The following ATG10 variants were observed in gnomAD, a reference collection of about 807,000 sequenced individuals.
The protein encoded by ATG10 is autophagy related 10.
A neutral mutation model predicts 32.1 loss-of-function variants in ATG10; 30 were observed. The observed-to-expected ratio is 0.94, with a 90% CI of 0.70 to 1.27. The LOEUF is 1.27. Ranked by LOEUF, ATG10 falls within the 50% of genes most tolerant of loss-of-function variation. The pLI is 0.00. For missense variants in ATG10, 233 were observed against 262.3 expected, an observed-to-expected ratio of 0.89 and a Z score of 0.77; for synonymous variants, 87 against 91.5, an observed-to-expected ratio of 0.95 and a Z score of 0.28.
rs568768525 is a variant in ATG10, at chr5:82,123,167, T to C, written c.217-41232T>C. On this transcript the variant is annotated intron_variant, in intron 3 of 7. Coordinates refer to ENST00000282185, the MANE Select transcript of ATG10 (RefSeq NM_031482.5). Reference sequence around the variant, plus strand: ...GATGTAGTACATATACACCATAGAATACTATGCAGCTATAAAAAAGAATGC... The same window carrying C: ...GATGTAGTACATATACACCATAGAACACTATGCAGCTATAAAAAAGAATGC... Among the ~76,000 whole-genome samples the C allele has an allele frequency of 1.1e-3, 174 of 152,298 alleles. 2 individuals carry two copies. The highest frequency in any genetic ancestry group is 2.2e-3 in the Admixed American group (34 of 15,304).
intron 3 of ATG10, among the ~76,000 whole-genome samples, chr5:82,099,212 G>C (rs1357774851): frequency 6.6e-6 from 1 of 152,002 alleles, no homozygotes; most frequent in East Asian, 1.9e-4. Context: ...GGAAAGAATG[G>C]ATGTGGTTTG....
intron 3 of ATG10, among the ~76,000 whole-genome samples, chr5:82,091,963 G>T (rs1764901785): frequency 6.6e-6 from 1 of 152,106 alleles, no homozygotes; most frequent in Non-Finnish European, 1.5e-5. Flanking sequence ...ACATCAAAAT[G>T]TTGGAAAACA....
rs548814678 is a variant in ATG10, at chr5:82,238,914, C to T, written c.454-13648C>T. Among the ~76,000 whole-genome samples, 174 of 152,194 alleles carry T rather than the reference C, an allele frequency of 1.1e-3. 2 individuals are homozygous for T. The highest frequency in any genetic ancestry group is 2.2e-3 in the Admixed American group (34 of 15,278). ...GGCAAACTCACAGAATTAAAATATG[C>T]ATCTTGGTGCATCAATTTTCCACAA... On this transcript the variant is annotated intron_variant, in intron 5 of 7. Transcript: ENST00000282185.
chr5:81,977,224 T>G (rs1760896689), intron 1 of ATG10, among the ~76,000 whole-genome samples: 1 of 152,158 alleles, frequency 6.6e-6, no homozygotes, highest in African/African-American at 2.4e-5. Flanking sequence ...TAGTAAATAT[T>G]TAGTGAGTGA....
At chr5:82,209,151 G>A (rs569563641) in intron 5 of ATG10, among the ~76,000 whole-genome samples, 1 of 152,154 alleles carries the variant, frequency 6.6e-6, no homozygotes, top group East Asian at 1.9e-4. Context: ...TTCTTGGAAA[G>A]ATTTTTAATA....
chr5:82,051,462 A>G (rs767030993), intron 2 of ATG10, among the ~76,000 whole-genome samples: 7 of 152,202 alleles, frequency 4.6e-5, no homozygotes, highest in Non-Finnish European at 7.3e-5. Flanking sequence ...AAAGACGTGC[A>G]AATTTCTTTA....
intron 5 of ATG10, among the ~76,000 whole-genome samples, chr5:82,239,860 T>C (rs1168534326): frequency 6.6e-6 from 1 of 151,862 alleles, no homozygotes; most frequent in African/African-American, 2.4e-5. Context: ...GGGTAAAAGA[T>C]CTGAATAGAC....
At chr5:82,233,237 C>T (rs1037953169) in intron 5 of ATG10, among the ~76,000 whole-genome samples, 6 of 152,136 alleles carry the variant, frequency 3.9e-5, no homozygotes, top group African/African-American at 1.4e-4. Context: ...TCACATTAGA[C>T]ACCTATGTTA....
At chr5:82,171,225 T>C (rs542801158) in intron 4 of ATG10, among the ~76,000 whole-genome samples, 1 of 152,354 alleles carries the variant, frequency 6.6e-6, no homozygotes, top group Admixed American at 6.5e-5. Flanking sequence ...TAACACTGTG[T>C]GTGGACAGTT....
rs183348724 is a variant in ATG10, at chr5:82,141,641, T to G, written c.217-22758T>G. Among the ~76,000 whole-genome samples, 401 of 151,986 alleles carry G rather than the reference T, an allele frequency of 2.6e-3. 1 individual carries two copies. The highest frequency in any genetic ancestry group is 3.1e-3 in the Non-Finnish European group (208 of 68,022). On this transcript the variant is annotated intron_variant, in intron 3 of 7. Coordinates refer to ENST00000282185, the MANE Select transcript of ATG10 (RefSeq NM_031482.5). ...CCCAGAGATGCCAACAAATATAGCTTACTTTAGATAAAAAAAAAAGGAAAA... is the reference window on the plus strand; with the variant it reads ...CCCAGAGATGCCAACAAATATAGCTGACTTTAGATAAAAAAAAAAGGAAAA...
chr5:82,139,487 C>A (rs1179195388), intron 3 of ATG10, among the ~76,000 whole-genome samples: 1 of 137,844 alleles, frequency 7.3e-6, no homozygotes, highest in Admixed American at 7.0e-5. Flanking sequence ...AGCGCCTCTG[C>A]CCCGCCGCCC....
At chr5:82,238,139 C>T (rs368080052) in intron 5 of ATG10, among the ~76,000 whole-genome samples, 1 of 152,176 alleles carries the variant, frequency 6.6e-6, no homozygotes, top group African/African-American at 2.4e-5. Flanking sequence ...GGCCCTCAGG[C>T]ACCTCAGATT....
In ATG10 at chr5:82,002,312, T is replaced by C. The variant is rs147614701; in HGVS notation, c.108+14634T>C. Among the ~76,000 whole-genome samples the C allele has an allele frequency of 1.6e-3, 243 of 152,292 alleles. 1 individual carries two copies. The highest frequency in any genetic ancestry group is 5.5e-3 in the African/African-American group (227 of 41,560). On this transcript the variant is annotated intron_variant, in intron 2 of 7. Coordinates refer to ENST00000282185, the MANE Select transcript of ATG10 (RefSeq NM_031482.5). ...GGATTCCAAATATATTCCAAAGGAA[T>C]ATAAATCATTCTGCCATAAACACAT...
At chr5:82,164,282 T>C in intron 3 of ATG10, 117 bp from the exon 4 acceptor site, 1 of 1,042,850 alleles carries the variant, frequency 9.6e-7, no homozygotes, top group Non-Finnish European at 1.4e-6. Context: ...CCTTGCCTCA[T>C]AGCCTTATAT....
Position 82,138,862 on chromosome 5 carries a change from TCCCC to T in ATG10, c.217-25535_217-25532del, listed in dbSNP as rs1766894986. On this transcript the variant is annotated intron_variant, in intron 3 of 7. Coordinates refer to ENST00000282185, the MANE Select transcript of ATG10 (RefSeq NM_031482.5). ...CTCTCCCTCCCCCTCCCCCTCCCCC[TCCCC>T]CTCCCCCTCCCCCTCTCCCTCTCCC... is the stretch of plus-strand genomic sequence containing the variant. 6.5e-3 allele frequency among the ~76,000 whole-genome samples: 113 copies of T among 17,506 alleles called. 2 individuals carry two copies. Among genetic ancestry groups the T allele is most frequent in the African/African-American group, 0.025 (106 of 4,256 alleles). 11.5% of individuals were successfully genotyped at this position (17,506 alleles called of 152,430 possible).
At chr5:82,131,972 G>A (rs1432189948) in intron 3 of ATG10, among the ~76,000 whole-genome samples, 2 of 152,020 alleles carry the variant, frequency 1.3e-5, no homozygotes, top group African/African-American at 2.4e-5. Context: ...GAGAGAGAAA[G>A]TGAGGGGGAA....
intron 5 of ATG10, among the ~76,000 whole-genome samples, chr5:82,206,285 G>C (rs1745292177): frequency 6.6e-6 from 1 of 152,152 alleles, no homozygotes; most frequent in African/African-American, 2.4e-5. Context: ...AACATAGTAA[G>C]CAACAGAAAG....
chr5:82,056,196 A>G (rs1241800111), intron 2 of ATG10, among the ~76,000 whole-genome samples: 1 of 152,200 alleles, frequency 6.6e-6, no homozygotes. Flanking sequence ...ACACAAATTT[A>G]TGTTACTTAA....
intron 2 of ATG10, among the ~76,000 whole-genome samples, chr5:82,018,927 G>C (rs115981117): frequency 0.015 from 2,262 of 152,072 alleles, 41 homozygotes; most frequent in African/African-American, 0.051. Context: ...TATTTATTAT[G>C]TTTATTGTTT....
Sources: gnomAD v4.1 joint callset for allele counts (sites outside exome capture counted in the v4.1 genomes callset) on GRCh38, gnomAD v4.1.1 for gene constraint, MANE v1.5 for transcripts, NCBI Gene and HGNC (gene_info 2026-07-23, HGNC 2026-07-21) for gene names.